TP63: variants seen among roughly 807,000 people sequenced by gnomAD.
TP63 encodes the protein tumor protein 63.
In TP63, 17 loss-of-function variants were observed where a neutral mutation model predicts 82.8. The ratio of observed to expected loss-of-function variants is 0.21; its 90% CI spans 0.14 to 0.31. The LOEUF (loss-of-function observed/expected upper bound fraction) is 0.31, where lower values mean the gene tolerates loss of function less well. Among genes scored for constraint, TP63 ranks in the 10% least tolerant of loss-of-function variants. The pLI is 1.00. For synonymous variants in TP63, 330 were observed against 321.7 expected (o/e 1.03, Z -0.28); for missense variants, 648 against 895.3 (o/e 0.72, Z 3.52).
intron 3 of TP63, among the ~76,000 whole-genome samples, chr3:189,792,001 G>C (rs992216409): frequency 6.6e-6 from 1 of 152,066 alleles, no homozygotes; most frequent in South Asian, 2.1e-4. Flanking sequence ...CTCCCTGTAA[G>C]AGTGAAAATT....
upstream of TP63, among the ~76,000 whole-genome samples, chr3:189,627,828 G>A (rs1198435227): frequency 6.6e-6 from 1 of 152,094 alleles, no homozygotes; most frequent in Non-Finnish European, 1.5e-5. Flanking sequence ...GGTGTCTAAT[G>A]TGTCACCTCC....
chr3:189,723,135 G>A (rs763283877), intron 1 of TP63, among the ~76,000 whole-genome samples: 2 of 152,158 alleles, frequency 1.3e-5, no homozygotes, highest in Non-Finnish European at 2.9e-5. Context: ...CTGGGGAAGT[G>A]GAGTAACCTA....
chr3:189,737,644 C>A, intron 1 of TP63, 96 bp from the exon 2 acceptor site: 1 of 1,417,974 alleles, frequency 7.1e-7, no homozygotes. Context: ...TTTATAGATT[C>A]ACTTGATGTT....
intron 4 of TP63, among the ~76,000 whole-genome samples, chr3:189,812,984 C>T (rs1577014564): frequency 6.6e-6 from 1 of 152,144 alleles, no homozygotes; most frequent in East Asian, 1.9e-4. Context: ...TGATAACAGC[C>T]TCTCCTGCAT....
intron 3 of TP63, 77 bp downstream of exon 3, chr3:189,738,851 G>T: frequency 6.3e-7 from 1 of 1,577,002 alleles, no homozygotes; most frequent in Non-Finnish European, 8.6e-7. Context: ...TTTCAGTCAT[G>T]TGTGAAAAGG....
chr3:189,866,555 G>T (rs1717752529), intron 5 of TP63, 127 bp from the exon 6 acceptor site: 7 of 826,814 alleles, frequency 8.5e-6, no homozygotes, highest in Non-Finnish European at 1.2e-5. Flanking sequence ...GTTTCTTCAA[G>T]GATGCACATT....
chr3:189,756,943 A>T (rs1722231331), intron 3 of TP63, among the ~76,000 whole-genome samples: 1 of 152,224 alleles, frequency 6.6e-6, no homozygotes, highest in East Asian at 1.9e-4. Context: ...GCATCCTCTT[A>T]AAAACTGATC....
At chr3:189,739,244 T>G (rs1020321727) in intron 3 of TP63, among the ~76,000 whole-genome samples, 9 of 152,150 alleles carry the variant, frequency 5.9e-5, no homozygotes, top group African/African-American at 1.9e-4. Context: ...GTCTCCCAAT[T>G]AGCTGGGATT....
At chr3:189,664,854 T>A (rs1180742540) in intron 1 of TP63, among the ~76,000 whole-genome samples, 1 of 152,084 alleles carries the variant, frequency 6.6e-6, no homozygotes, top group African/African-American at 2.4e-5. Context: ...AAGCTATAAT[T>A]TCACTAAAAG....
chr3:189,880,113 A>G (rs751049378), intron 10 of TP63: 1 of 1,613,520 alleles, frequency 6.2e-7, no homozygotes, highest in Non-Finnish European at 8.5e-7. Flanking sequence ...CCGGAGAGAA[A>G]CTCCAAAACA....
chr3:189,867,348 G>A (rs897372250), intron 6 of TP63, among the ~76,000 whole-genome samples: 20 of 152,132 alleles, frequency 1.3e-4, no homozygotes, highest in East Asian at 1.2e-3. Context: ...TTACCCGTAC[G>A]TATGTACTTT....
At chr3:189,683,849 G>A (rs765279545) in intron 1 of TP63, among the ~76,000 whole-genome samples, 17 of 152,312 alleles carry the variant, frequency 1.1e-4, no homozygotes, top group Middle Eastern at 3.4e-3. Flanking sequence ...CTCAGCACCT[G>A]CTCTCAAAGT....
At chr3:189,765,272 A>G (rs1164599642) in intron 3 of TP63, among the ~76,000 whole-genome samples, 2 of 151,868 alleles carry the variant, frequency 1.3e-5, no homozygotes, top group Non-Finnish European at 2.9e-5. Flanking sequence ...TTTGTGACTA[A>G]TTGATATGAG....
chr3:189,846,611 G>GGTGTGTGTGTGT (rs71861936), intron 4 of TP63, among the ~76,000 whole-genome samples: 3 of 141,168 alleles, frequency 2.1e-5, no homozygotes, highest in African/African-American at 8.0e-5. Context: ...TGGCCAGTAG[G>GGTGTGTGTGTGT]GTGTGTGTGT....
intron 4 of TP63, among the ~76,000 whole-genome samples, chr3:189,846,460 G>A (rs938979207): frequency 3.9e-5 from 6 of 152,142 alleles, no homozygotes; most frequent in African/African-American, 1.4e-4. Flanking sequence ...TTGAAGATCA[G>A]TACAATATTA....
chr3:189,706,010 A>C (rs1435946157), intron 1 of TP63, among the ~76,000 whole-genome samples: 1 of 152,194 alleles, frequency 6.6e-6, no homozygotes, highest in Non-Finnish European at 1.5e-5. Flanking sequence ...GTGCCCATGC[A>C]TATACTATGT....
chr3:189,844,969 T>C (rs1490571452), intron 4 of TP63, among the ~76,000 whole-genome samples: 1 of 152,222 alleles, frequency 6.6e-6, no homozygotes, highest in South Asian at 2.1e-4. Context: ...TGATTTTTCA[T>C]TCCCAGCAGT....
chr3:189,729,522 G>A (rs988159742), intron 1 of TP63, among the ~76,000 whole-genome samples: 4 of 152,148 alleles, frequency 2.6e-5, no homozygotes, highest in African/African-American at 9.7e-5. Context: ...AAGAATATTG[G>A]TTCAGTAATA....
chr3:189,658,975 G>T (rs1438050614), intron 1 of TP63, among the ~76,000 whole-genome samples: 1 of 152,000 alleles, frequency 6.6e-6, no homozygotes, highest in African/African-American at 2.4e-5. Context: ...CTGAGTCAGG[G>T]TAAAGGGAAA....
Sources: allele counts gnomAD v4.1 joint callset (sites outside exome capture counted in the v4.1 genomes callset), GRCh38; gene constraint gnomAD v4.1.1; transcripts MANE v1.5; gene names NCBI Gene and HGNC (gene_info 2026-07-23, HGNC 2026-07-21).